LINGO2: variants seen among roughly 807,000 people sequenced by gnomAD.
LINGO2 encodes the protein leucine-rich repeat and immunoglobulin-like domain-containing nogo receptor-interacting protein 2.
Under a neutral mutation model 30.6 loss-of-function variants are expected in LINGO2, and 14 were observed. The ratio of observed to expected loss-of-function variants is 0.46; its 90% CI spans 0.30 to 0.72. LINGO2 has a LOEUF of 0.72. LINGO2 is among the 30% of genes least tolerant of loss of function. LINGO2 has a pLI of 0.07. For synonymous variants in LINGO2, 317 were observed against 288.5 expected (o/e 1.10, Z -1.00); for missense variants, 729 against 751.7 (o/e 0.97, Z 0.35).
At chr9:29,123,512 T>C in the LINGO2 span, among the ~76,000 whole-genome samples, 4 of 151,892 alleles carry the variant, frequency 2.6e-5, no homozygotes, top group African/African-American at 9.7e-5. Flanking sequence ...ACTATTCCTA[T>C]GCCAAATCCT....
At chr9:28,042,461 A>G (rs1244463539) in intron 4 of LINGO2, among the ~76,000 whole-genome samples, 9 of 152,216 alleles carry the variant, frequency 5.9e-5, no homozygotes, top group Admixed American at 5.2e-4. Flanking sequence ...TGACTGTCAT[A>G]TGAATATTTT....
intron 1 of LINGO2, among the ~76,000 whole-genome samples, chr9:28,582,306 G>A (rs1824296418): frequency 6.6e-6 from 1 of 152,116 alleles, no homozygotes; most frequent in Middle Eastern, 3.4e-3. Context: ...AAAGATTATT[G>A]TTTGACCAAA....
chr9:28,229,639 T>C lies in LINGO2; in HGVS notation c.-87+65569A>G, dbSNP rs1239352446. 1.3e-5 allele frequency among the ~76,000 whole-genome samples: 2 copies of C among 151,710 alleles called. 1 individual carries two copies. The stretch of plus-strand genomic sequence containing the variant: ...AAAATGTGCGAACTGAATAATTTAG[T>C]ATCAAAATGGGTTTAACAAAACTTT... On this transcript the variant is annotated intron_variant, in intron 4 of 5. Transcript: ENST00000379992.
chr9:28,034,656 T>TTC (rs913655374), intron 4 of LINGO2, among the ~76,000 whole-genome samples: 2 of 152,216 alleles, frequency 1.3e-5, no homozygotes, highest in Non-Finnish European at 2.9e-5. Flanking sequence ...GAACAAGGAT[T>TTC]TCTCTCTCAG....
chr9:27,947,606 G>A (rs1475728358), downstream of LINGO2, among the ~76,000 whole-genome samples: 1 of 152,168 alleles, frequency 6.6e-6, no homozygotes, highest in Non-Finnish European at 1.5e-5. Flanking sequence ...TCTATTCAAG[G>A]TAATATTGTG....
chr9:28,786,908 A>C, the LINGO2 span, among the ~76,000 whole-genome samples: 50 of 152,166 alleles, frequency 3.3e-4, no homozygotes, highest in Admixed American at 2.9e-3. Context: ...CCAGAGTTTA[A>C]TTACTCAGGG....
chr9:29,042,196 A>T, the LINGO2 span, among the ~76,000 whole-genome samples: 3 of 151,986 alleles, frequency 2.0e-5, no homozygotes, highest in African/African-American at 7.2e-5. Context: ...TGCACTGCTG[A>T]TGTGAATTTA....
At chr9:28,060,064 A>G (rs769203977) in intron 4 of LINGO2, among the ~76,000 whole-genome samples, 1 of 152,124 alleles carries the variant, frequency 6.6e-6, no homozygotes, top group Non-Finnish European at 1.5e-5. Flanking sequence ...TTTAATAATA[A>G]TCACTATTAT....
chr9:28,712,028 C>G, the LINGO2 span, among the ~76,000 whole-genome samples: 4 of 151,950 alleles, frequency 2.6e-5, no homozygotes, highest in Non-Finnish European at 5.9e-5. Context: ...GTATAGTATC[C>G]AGTAAGTCCA....
chr9:29,139,337 A>G, the LINGO2 span, among the ~76,000 whole-genome samples: 3 of 152,112 alleles, frequency 2.0e-5, no homozygotes, highest in African/African-American at 7.2e-5. Flanking sequence ...GCCTATGGAA[A>G]CTCTGGGATA....
At chr9:29,127,969 T>C in the LINGO2 span, among the ~76,000 whole-genome samples, 18 of 152,208 alleles carry the variant, frequency 1.2e-4, no homozygotes, top group Admixed American at 2.6e-4. Context: ...ATCTTTTCAA[T>C]TGGCTAAGGA....
At chr9:28,539,336 A>C (rs1489511588) in intron 1 of LINGO2, among the ~76,000 whole-genome samples, 1 of 152,146 alleles carries the variant, frequency 6.6e-6, no homozygotes. Context: ...GGCATTCAGA[A>C]ATGTTTGTTT....
At chr9:28,543,053 G>C (rs1399247232) in intron 1 of LINGO2, among the ~76,000 whole-genome samples, 1 of 152,068 alleles carries the variant, frequency 6.6e-6, no homozygotes, top group Non-Finnish European at 1.5e-5. Flanking sequence ...AAATGCACTA[G>C]ACGATCTGGG....
intron 3 of LINGO2, among the ~76,000 whole-genome samples, chr9:28,371,736 TA>T (rs1181163194): frequency 6.6e-6 from 1 of 152,214 alleles, no homozygotes; most frequent in Non-Finnish European, 1.5e-5. Context: ...TGTACTCTCC[TA>T]ATTTACTTGA....
At chr9:28,093,614 T>C (rs986350913) in intron 4 of LINGO2, among the ~76,000 whole-genome samples, 5 of 152,098 alleles carry the variant, frequency 3.3e-5, no homozygotes, top group African/African-American at 1.2e-4. Context: ...GACACCTTTT[T>C]AACCGTCAAG....
At chr9:29,097,034 T>C in the LINGO2 span, among the ~76,000 whole-genome samples, 1 of 139,560 alleles carries the variant, frequency 7.2e-6, no homozygotes, top group African/African-American at 2.7e-5. Flanking sequence ...ATGGTAATTC[T>C]GCAAATTCCC....
chr9:28,349,573 C>A (rs1232461195), intron 3 of LINGO2, among the ~76,000 whole-genome samples: 139 of 131,188 alleles, frequency 1.1e-3, no homozygotes, highest in African/African-American at 4.0e-3. Context: ...GGAAAACACT[C>A]TGCAGGATAT....
intron 3 of LINGO2, among the ~76,000 whole-genome samples, chr9:28,345,607 C>T (rs917345232): frequency 1.3e-5 from 2 of 152,116 alleles, no homozygotes; most frequent in African/African-American, 4.8e-5. Flanking sequence ...CAACATGGGC[C>T]TTTTGAAGGA....
At chr9:28,988,966 T>A in the LINGO2 span, among the ~76,000 whole-genome samples, 1 of 152,204 alleles carries the variant, frequency 6.6e-6, no homozygotes, top group East Asian at 1.9e-4. Context: ...TGCAGGGAAG[T>A]GTAACCTGAT....
Sources: allele counts gnomAD v4.1 joint callset (sites outside exome capture counted in the v4.1 genomes callset), GRCh38; gene constraint gnomAD v4.1.1; transcripts MANE v1.5; gene names NCBI Gene and HGNC (gene_info 2026-07-23, HGNC 2026-07-21).